IFNA7: variants seen among roughly 807,000 people sequenced by gnomAD.
IFNA7 encodes interferon alpha 7, also known as interferon alpha-7.
For missense variants in IFNA7, 278 were observed against 216.3 expected (o/e 1.29, Z -1.79); for synonymous variants, 119 against 81.1 (o/e 1.47, Z -2.51).
Position 21,201,556 on chromosome 9 carries a change from G to T in IFNA7, c.*40C>A. 2 of 1,603,342 alleles carry T rather than the reference G, an allele frequency of 1.2e-6. No homozygotes were observed. Among genetic ancestry groups the T allele is most frequent in the Non-Finnish European group, 1.7e-6 (2 of 1,176,782 alleles). On this transcript the variant is annotated 3_prime_UTR_variant, in exon 1 of 1. Coordinates refer to ENST00000239347, the MANE Select transcript of IFNA7 (RefSeq NM_021057.2). The stretch of plus-strand genomic sequence containing the variant: ...AGAACTCATGAAAGTGTGAGATGAT[G>T]CATTAGTCAATGAGAATCATTTCCA...
In IFNA7 at chr9:21,201,570, G is replaced by C; in HGVS notation, c.*26C>G. 3.7e-6 allele frequency: 6 copies of C among 1,608,672 alleles called. No homozygotes were observed. The African/African-American group carries it at 5.4e-5, about 14-fold the overall frequency. On this transcript the variant is annotated 3_prime_UTR_variant, in exon 1 of 1. Coordinates refer to ENST00000239347, the MANE Select transcript of IFNA7 (RefSeq NM_021057.2). ...TGTGAGATGATGCATTAGTCAATGA[G>C]AATCATTTCCATGATGAACCAGTTT...
Position 21,201,574 on chromosome 9 carries a change from C to A in IFNA7, c.*22G>T. On this transcript the variant is annotated 3_prime_UTR_variant, in exon 1 of 1. Coordinates refer to ENST00000239347, the MANE Select transcript of IFNA7 (RefSeq NM_021057.2). ...AGATGATGCATTAGTCAATGAGAAT[C>A]ATTTCCATGATGAACCAGTTTTCAA... 1.2e-6 allele frequency: 2 copies of A among 1,608,952 alleles called. No individual in the cohort carries two copies. Among genetic ancestry groups the A allele is most frequent in the Non-Finnish European group, 1.7e-6 (2 of 1,178,918 alleles).
At position 21,201,499 on chromosome 9, in the gene IFNA7, T is replaced by C. The variant is rs746817479; in HGVS notation, c.*97A>G. On this transcript the variant is annotated 3_prime_UTR_variant, in exon 1 of 1. Coordinates refer to ENST00000239347, the MANE Select transcript of IFNA7 (RefSeq NM_021057.2). ...CATTTGGAAATTTTGATTCAACTTG[T>C]GGTGGTTATAGAAGTGAGTCTTTGA... 2.9e-5 allele frequency: 45 copies of C among 1,530,656 alleles called. No individual in the cohort carries two copies. In the Middle Eastern group the frequency reaches 1.2e-3, roughly 41 times the overall value. The allele number at this position is 1,530,656 out of a possible 1,614,324, so 94.8% of individuals were successfully genotyped here.
Position 21,201,764 on chromosome 9 carries a change from C to T in IFNA7, c.402G>A (p.Leu134=). ...IQEVGVEETP[L]MNEDFILAVR... ...CAGCCAGGATGAAGTCCTCATTCAT[C>T]AGGGGAGTCTCTTCCACCCCAACCT... The change falls in exon 1 of 1, where the codon CTG becomes CTA. Residue 134 remains leucine, a synonymous_variant. Coordinates refer to ENST00000239347, the MANE Select transcript of IFNA7 (RefSeq NM_021057.2). 3 of 1,613,702 alleles carry T rather than the reference C, an allele frequency of 1.9e-6. No homozygotes were observed. The highest frequency in any genetic ancestry group is 2.2e-5 in the East Asian group (1 of 44,848).
In IFNA7 at chr9:21,201,575, A is replaced by T. The variant is rs367543507; in HGVS notation, c.*21T>A. On this transcript the variant is annotated 3_prime_UTR_variant, in exon 1 of 1. Transcript: ENST00000239347. ...GATGATGCATTAGTCAATGAGAATC[A>T]TTTCCATGATGAACCAGTTTTCAAT... 2.7e-5 allele frequency: 43 copies of T among 1,609,178 alleles called. 1 individual carries two copies. In the African/African-American group the frequency reaches 5.5e-4, roughly 21 times the overall value.
Position 21,201,551 on chromosome 9 carries a change from A to T in IFNA7, c.*45T>A. On this transcript the variant is annotated 3_prime_UTR_variant, in exon 1 of 1. Transcript: ENST00000239347. ...ATGGAAGAACTCATGAAAGTGTGAG[A>T]TGATGCATTAGTCAATGAGAATCAT... is the stretch of plus-strand genomic sequence containing the variant. The T allele has an allele frequency of 6.3e-7, 1 of 1,597,974 alleles. No individual in the cohort carries two copies. Among genetic ancestry groups the T allele is most frequent in the Non-Finnish European group, 8.5e-7 (1 of 1,175,050 alleles).
At position 21,201,601 on chromosome 9, in the gene IFNA7, C is replaced by T. The variant is rs745892198; in HGVS notation, c.565G>A (p.Asp189Asn). The T allele has an allele frequency of 1.6e-5, 26 of 1,612,634 alleles. 1 individual carries two copies. In the East Asian group the frequency reaches 5.4e-4, roughly 33 times the overall value. ...TTTCCATGATGAACCAGTTTTCAAT[C>T]CTTCCTCCTTAATCCTTTTTTCAAG... ...TNLKKGLRRKD is the reference protein window; with the variant it reads ...TNLKKGLRRKN Residue 189 changes from aspartate (D) to asparagine (N), a missense_variant, in exon 1 of 1, where the codon GAT becomes AAT. Transcript: ENST00000239347.
At position 21,202,032 on chromosome 9, in the gene IFNA7, C is replaced by T. The variant is rs774478165; in HGVS notation, c.134G>A (p.Gly45Glu). The T allele has an allele frequency of 3.7e-6, 6 of 1,613,320 alleles. No individual in the cohort carries two copies. The African/African-American group carries it at 4.0e-5, about 11-fold the overall frequency. ...CAAGCAGGAGAAAGGAGAGATTCTT[C>T]CCATTTGTGCCAGGAGTATCAAGGC... ...RRALILLAQM[G>E]RISPFSCLKD... The change falls in exon 1 of 1, where the codon GGA becomes GAA. Residue 45 changes from glycine (G) to glutamate (E), a missense_variant. Coordinates refer to ENST00000239347, the MANE Select transcript of IFNA7 (RefSeq NM_021057.2).
At position 21,201,814 on chromosome 9, in the gene IFNA7, C is replaced by T. The variant is rs572232931; in HGVS notation, c.352G>A (p.Asp118Asn). The T allele has an allele frequency of 9.9e-6, 16 of 1,613,366 alleles. No individual in the cohort carries two copies. The East Asian group carries it at 2.7e-4, about 27-fold the overall frequency. ...FSTELYQQLNDLEACVIQEVG... is the reference protein window; with the variant it reads ...FSTELYQQLNNLEACVIQEVG... ...TCCTGTATCACACATGCTTCCAGGT[C>T]ATTCAGTTGCTGGTAAAGTTCAGTG... Residue 118 changes from aspartate (D) to asparagine (N), a missense_variant, in exon 1 of 1, where the codon GAC becomes AAC. Transcript: ENST00000239347.
At position 21,201,865 on chromosome 9, in the gene IFNA7, C is replaced by T. The variant is rs767006459; in HGVS notation, c.301G>A (p.Glu101Lys). 3.7e-6 allele frequency: 6 copies of T among 1,613,032 alleles called. No homozygotes were observed. The African/African-American group carries it at 8.1e-5, about 22-fold the overall frequency. Reference protein sequence around the residue: ...FSTEDSSAAWEQSLLEKFSTE... With the variant: ...FSTEDSSAAWKQSLLEKFSTE... ...GAAAATTTTTCTAGGAGGCTCTGTT[C>T]CCAAGCAGCAGATGAGTCCTCTGTG... The change falls in exon 1 of 1, where the codon GAA becomes AAA. Residue 101 changes from glutamate to lysine, a missense_variant. Physicochemically the swap from Glu to Lys is moderately conservative, Grantham distance 56 (BLOSUM62 1). Coordinates refer to ENST00000239347, the MANE Select transcript of IFNA7 (RefSeq NM_021057.2).
At position 21,201,924 on chromosome 9, in the gene IFNA7, T is replaced by C; in HGVS notation, c.242A>G (p.His81Arg). 6.2e-7 allele frequency: 1 copy of C among 1,613,490 alleles called. No homozygotes were observed. Among genetic ancestry groups the C allele is most frequent in the Non-Finnish European group, 8.5e-7 (1 of 1,179,932 alleles). ...FQKTQAISVL[H>R]EMIQQTFNLF... Reference sequence around the variant, plus strand: ...ATTGAAGGTCTGCTGGATCATCTCATGGAGGACAGAGATGGCTTGAGTCTT... The same window carrying C: ...ATTGAAGGTCTGCTGGATCATCTCACGGAGGACAGAGATGGCTTGAGTCTT... The change falls in exon 1 of 1, where the codon CAT becomes CGT. Residue 81 changes from histidine to arginine, a missense_variant. Coordinates refer to ENST00000239347, the MANE Select transcript of IFNA7 (RefSeq NM_021057.2).
chr9:21,201,645 G>A lies in IFNA7; in HGVS notation c.521C>T (p.Ser174Phe), dbSNP rs1818157249. 11 of 1,613,704 alleles carry A rather than the reference G, an allele frequency of 6.8e-6. No individual in the cohort carries two copies. Among genetic ancestry groups the A allele is most frequent in the South Asian group, 1.1e-5 (1 of 91,024 alleles). Residue 174 changes from serine (S) to phenylalanine (F), a missense_variant, in exon 1 of 1, where the codon TCC (serine) becomes TTC (phenylalanine). By Grantham distance (155) the Ser-to-Phe change is radical. Transcript: ENST00000239347. ...TTTCAAGTTTGTTGAAAAAGAGAAG[G>A]ATCTCATGATTTCTGCTCTGACAAC... ...WEVVRAEIMR[S>F]FSFSTNLKKG...
chr9:21,201,976 C>G lies in IFNA7; in HGVS notation c.190G>C (p.Glu64Gln), dbSNP rs1212114408. The G allele has an allele frequency of 6.2e-7, 1 of 1,613,204 alleles. No homozygotes were observed. Among genetic ancestry groups the G allele is most frequent in the African/African-American group, 1.3e-5 (1 of 74,494 alleles). ...TGGAACTGGTGGCCATCAAACTCCT[C>G]CTCTGGGAATCTGAATTCATGTCTG... ...KDRHEFRFPE[E>Q]EFDGHQFQKT... is the part of the protein sequence containing the mutation. The change falls in exon 1 of 1, where the codon GAG becomes CAG. Residue 64 changes from glutamate (E) to glutamine (Q), a missense_variant. By Grantham distance (29) the Glu-to-Gln change is conservative. Transcript: ENST00000239347.
the IFNA7 span, chr9:21,202,161 GC>G: frequency 1.9e-6 from 3 of 1,594,510 alleles, no homozygotes; most frequent in East Asian, 6.7e-5. Context: ...AAAGGACCGG[GC>G]CATTGGGATT....
rs146571319 is a variant in IFNA7, at chr9:21,201,884, C to G, written c.282G>C (p.Glu94Asp). 4.3e-6 allele frequency: 7 copies of G among 1,613,062 alleles called. No individual in the cohort carries two copies. In the African/African-American group the frequency reaches 8.1e-5, roughly 19 times the overall value. ...TCTGTTCCCAAGCAGCAGATGAGTC[C>G]TCTGTGCTGAAGAGATTGAAGGTCT... is the stretch of plus-strand genomic sequence containing the variant. ...IQQTFNLFST[E>D]DSSAAWEQSL... is the part of the protein sequence containing the mutation. The change falls in exon 1 of 1, where the codon GAG (glutamate) becomes GAC (aspartate). Residue 94 changes from glutamate to aspartate, a missense_variant. Coordinates refer to ENST00000239347, the MANE Select transcript of IFNA7 (RefSeq NM_021057.2).
Position 21,201,656 on chromosome 9 carries a change from T to A in IFNA7, c.510A>T (p.Glu170Asp). 1.9e-6 allele frequency: 3 copies of A among 1,613,880 alleles called. No individual in the cohort carries two copies. The highest frequency in any genetic ancestry group is 2.5e-6 in the Non-Finnish European group (3 of 1,179,982). Residue 170 changes from glutamate (E) to aspartate (D), a missense_variant, in exon 1 of 1, where the codon GAA (glutamate) becomes GAT (aspartate). Glu to Asp is a conservative substitution (Grantham distance 45, BLOSUM62 2). Coordinates refer to ENST00000239347, the MANE Select transcript of IFNA7 (RefSeq NM_021057.2). ...TTGAAAAAGAGAAGGATCTCATGAT[T>A]TCTGCTCTGACAACCTCCCAGGCAC... ...SPCAWEVVRA[E>D]IMRSFSFSTN...
chr9:21,201,805 C>G lies in IFNA7; in HGVS notation c.361G>C (p.Ala121Pro), dbSNP rs765612765. The part of the protein sequence containing the change: ...ELYQQLNDLE[A>P]CVIQEVGVEE... ...ACCCCAACCTCCTGTATCACACATGCTTCCAGGTCATTCAGTTGCTGGTAA... is the reference window on the plus strand; with the variant it reads ...ACCCCAACCTCCTGTATCACACATGGTTCCAGGTCATTCAGTTGCTGGTAA... Residue 121 changes from alanine to proline, a missense_variant, in exon 1 of 1, where the codon GCA becomes CCA. Physicochemically the swap from Ala to Pro is conservative, Grantham distance 27. Transcript: ENST00000239347. 3.7e-6 allele frequency: 6 copies of G among 1,613,542 alleles called. No individual in the cohort carries two copies. The South Asian group carries it at 6.6e-5, about 18-fold the overall frequency.
Position 21,201,582 on chromosome 9 carries a change from T to C in IFNA7, c.*14A>G, listed in dbSNP as rs1818155438. 3.1e-6 allele frequency: 5 copies of C among 1,610,480 alleles called. No homozygotes were observed. The highest frequency in any genetic ancestry group is 1.3e-5 in the African/African-American group (1 of 74,416). ...CATTAGTCAATGAGAATCATTTCCATGATGAACCAGTTTTCAATCCTTCCT... is the reference window on the plus strand; with the variant it reads ...CATTAGTCAATGAGAATCATTTCCACGATGAACCAGTTTTCAATCCTTCCT... On this transcript the variant is annotated 3_prime_UTR_variant, in exon 1 of 1. Coordinates refer to ENST00000239347, the MANE Select transcript of IFNA7 (RefSeq NM_021057.2).
chr9:21,202,097 G>A lies in IFNA7; in HGVS notation c.69C>T (p.Gly23=). The A allele has an allele frequency of 6.2e-7, 1 of 1,613,604 alleles. No individual in the cohort carries two copies. Among genetic ancestry groups the A allele is most frequent in the South Asian group, 1.1e-5 (1 of 91,046 alleles). ...VLSYKSICSL[G]CDLPQTHSLR... The stretch of plus-strand genomic sequence containing the variant: ...GGCTGTGGGTCTGAGGCAGATCACA[G>A]CCCAGAGAGCAGATGGATTTGTAGC... Residue 23 remains glycine, a synonymous_variant, in exon 1 of 1, where the codon GGC becomes GGT. Coordinates refer to ENST00000239347, the MANE Select transcript of IFNA7 (RefSeq NM_021057.2).
Sources: allele counts gnomAD v4.1 joint callset, GRCh38; gene constraint gnomAD v4.1.1; transcripts MANE v1.5; gene names NCBI Gene and HGNC (gene_info 2026-07-23, HGNC 2026-07-21).